Variants in INIP observed in about 807,000 individuals in gnomAD.
INIP encodes the protein SOSS complex subunit C.
Under a neutral mutation model 14.0 loss-of-function variants are expected in INIP, and 9 were observed. That is an observed-to-expected ratio of 0.64 (90% confidence interval 0.39 to 1.12). INIP has a LOEUF of 1.12. Among genes scored for constraint, INIP ranks in the 50% most tolerant of loss-of-function variants. The pLI, the probability that INIP is intolerant of heterozygous loss-of-function variation, is 0.01. For synonymous variants in INIP, 37 were observed against 41.5 expected (o/e 0.89, Z 0.41); for missense variants, 78 against 122.7 (o/e 0.64, Z 1.72).
intron 2 of INIP, among the ~76,000 whole-genome samples, chr9:112,715,903 C>G (rs1306462027): frequency 1.3e-5 from 2 of 151,870 alleles, no homozygotes; most frequent in Non-Finnish European, 2.9e-5. Flanking sequence ...TTAGCCTAGG[C>G]TTACACAGGG....
At chr9:112,715,634 G>C (rs896579268) in intron 2 of INIP, among the ~76,000 whole-genome samples, 1 of 151,942 alleles carries the variant, frequency 6.6e-6, no homozygotes, top group Admixed American at 6.6e-5. Flanking sequence ...TTAGCTGAGC[G>C]TGATGGCGTG....
At chr9:112,692,752 A>G (rs1223307773) in intron 3 of INIP, among the ~76,000 whole-genome samples, 1 of 151,690 alleles carries the variant, frequency 6.6e-6, no homozygotes, top group Non-Finnish European at 1.5e-5. Flanking sequence ...AAAAAAGGCT[A>G]TAAGGGCTAG....
chr9:112,702,397 T>C (rs1438562931), intron 2 of INIP, among the ~76,000 whole-genome samples: 1 of 152,146 alleles, frequency 6.6e-6, no homozygotes, highest in African/African-American at 2.4e-5. Context: ...TCAACATACA[T>C]AAACTTCTAT....
At chr9:112,688,950 G>GA (rs141027031) in intron 4 of INIP, among the ~76,000 whole-genome samples, 12,938 of 151,950 alleles carry the variant, frequency 0.085, 599 homozygotes, top group African/African-American at 0.11. Flanking sequence ...TATGCCTATG[G>GA]GAAAAAAATG....
In INIP at chr9:112,714,902, G is replaced by A. The variant is rs907058046; in HGVS notation, c.25+1559C>T. On this transcript the variant is annotated intron_variant, in intron 2 of 4. Transcript: ENST00000374242. ...GCCTACTACACAACCTAGGCTGTAC[G>A]GTACAGTCTGTTGCTCCAAGGCTAC... is the stretch of plus-strand genomic sequence containing the variant. Among the ~76,000 whole-genome samples, 5 of 152,000 alleles carry A rather than the reference G, an allele frequency of 3.3e-5. No homozygotes were observed. In the Middle Eastern group the frequency reaches 0.01, roughly 310 times the overall value.
intron 3 of INIP, 157 bp downstream of exon 3, chr9:112,693,974 C>T: frequency 2.3e-6 from 1 of 426,754 alleles, no homozygotes; most frequent in East Asian, 4.7e-5. Flanking sequence ...ACTCGGGAGG[C>T]TGAGGCAGGA....
intron 2 of INIP, among the ~76,000 whole-genome samples, chr9:112,707,302 A>T (rs1838508085): frequency 6.7e-6 from 1 of 150,322 alleles, no homozygotes; most frequent in South Asian, 2.1e-4. Flanking sequence ...TAACCTTTTT[A>T]AAAAACAAAT....
At chr9:112,690,747 G>A (rs1319725283) in intron 3 of INIP, among the ~76,000 whole-genome samples, 1 of 152,238 alleles carries the variant, frequency 6.6e-6, no homozygotes, top group Non-Finnish European at 1.5e-5. Context: ...CAGACTTGAT[G>A]GGTGTCTACA....
intron 2 of INIP, among the ~76,000 whole-genome samples, chr9:112,707,670 A>C (rs1002083593): frequency 1.3e-5 from 2 of 152,224 alleles, no homozygotes; most frequent in African/African-American, 4.8e-5. Flanking sequence ...TGTAAAAAAA[A>C]TCTAAAGCTA....
chr9:112,712,845 A>T (rs1485003833), intron 2 of INIP, among the ~76,000 whole-genome samples: 1 of 152,256 alleles, frequency 6.6e-6, no homozygotes, highest in Non-Finnish European at 1.5e-5. Flanking sequence ...TCCCAAATTT[A>T]GTGAAAGACA....
Position 112,685,912 on chromosome 9 carries a change from A to T in INIP, c.*1626T>A, listed in dbSNP as rs1837648211. On this transcript the variant is annotated 3_prime_UTR_variant, in exon 5 of 5. Coordinates refer to ENST00000374242, the MANE Select transcript of INIP (RefSeq NM_021218.3). The stretch of plus-strand genomic sequence containing the variant: ...AATGAAGGAAATCAGTTCAAATTCT[A>T]AAAAAAACCTACATGGCACAGCCAA... 1.3e-5 allele frequency: 2 copies of T among 152,040 alleles called. No individual in the cohort carries two copies. 9.4% of individuals were successfully genotyped at this position (152,040 alleles called of 1,614,324 possible). A position where few individuals can be genotyped will look rare whatever the true frequency, so the allele number is the denominator to read the frequency against.
chr9:112,687,245 T>C lies in INIP; in HGVS notation c.*293A>G, dbSNP rs1369846715. 2 of 236,704 alleles carry C rather than the reference T, an allele frequency of 8.4e-6. No homozygotes were observed. Among genetic ancestry groups the C allele is most frequent in the Non-Finnish European group, 1.6e-5 (2 of 122,022 alleles). The allele number at this position is 236,704 out of a possible 1,614,324, so 14.7% of individuals were successfully genotyped here. Reference sequence around the variant, plus strand: ...TATATTCAGTCAAACTTGCTAGGAGTTGGGGAATGACTTCGTGACCATCCA... The same window carrying C: ...TATATTCAGTCAAACTTGCTAGGAGCTGGGGAATGACTTCGTGACCATCCA... On this transcript the variant is annotated 3_prime_UTR_variant, in exon 5 of 5. Transcript: ENST00000374242.
intron 2 of INIP, among the ~76,000 whole-genome samples, chr9:112,705,883 A>T (rs111491979): frequency 6.6e-6 from 1 of 152,180 alleles, no homozygotes; most frequent in Non-Finnish European, 1.5e-5. Context: ...TTACATGTAG[A>T]TTCTTAGTTT....
chr9:112,696,026 T>C (rs1400534517), intron 2 of INIP, among the ~76,000 whole-genome samples: 1 of 151,946 alleles, frequency 6.6e-6, no homozygotes, highest in African/African-American at 2.4e-5. Flanking sequence ...TTGCTAAGAC[T>C]ACAGGTGTGA....
At chr9:112,691,426 C>T (rs1246255250) in intron 3 of INIP, among the ~76,000 whole-genome samples, 1 of 152,118 alleles carries the variant, frequency 6.6e-6, no homozygotes, top group African/African-American at 2.4e-5. Flanking sequence ...ATTTGAAATG[C>T]CTGTGGACAT....
chr9:112,697,229 G>A (rs538901521), intron 2 of INIP, among the ~76,000 whole-genome samples: 1 of 152,292 alleles, frequency 6.6e-6, no homozygotes, highest in Admixed American at 6.5e-5. Context: ...AAATATCAGA[G>A]CAAGGCTGGT....
intron 2 of INIP, among the ~76,000 whole-genome samples, chr9:112,695,877 GAGA>G (rs1411598662): frequency 8.3e-5 from 11 of 131,786 alleles, no homozygotes; most frequent in Non-Finnish European, 1.3e-4. Context: ...GAAGAAGAAG[GAGA>G]AGAAGAAGAC....
chr9:112,707,504 C>A (rs533610587), intron 2 of INIP, among the ~76,000 whole-genome samples: 34 of 151,286 alleles, frequency 2.2e-4, no homozygotes, highest in South Asian at 1.0e-3. Flanking sequence ...TTTCCTCCCG[C>A]ACATTTCTTT....
chr9:112,703,707 G>A (rs1038975300), intron 2 of INIP, among the ~76,000 whole-genome samples: 8 of 152,138 alleles, frequency 5.3e-5, no homozygotes, highest in Admixed American at 2.0e-4. Flanking sequence ...CCTCCCAAAT[G>A]CTGGGATTAC....
Sources: allele counts gnomAD v4.1 joint callset (sites outside exome capture counted in the v4.1 genomes callset), GRCh38; gene constraint gnomAD v4.1.1; transcripts MANE v1.5; gene names NCBI Gene and HGNC (gene_info 2026-07-23, HGNC 2026-07-21).